The following GNB4 variants were observed in gnomAD, a reference collection of about 807,000 sequenced individuals.
GNB4 encodes guanine nucleotide-binding protein subunit beta-4.
A neutral mutation model predicts 45.2 loss-of-function variants in GNB4; 28 were observed. That is an observed-to-expected ratio of 0.62 (90% CI 0.46 to 0.85). The LOEUF is 0.85. Ranked by LOEUF, GNB4 falls within the 40% of genes least tolerant of loss-of-function variation. The pLI is 0.00. For synonymous variants in GNB4, 132 were observed against 143.7 expected (o/e 0.92, Z 0.58); for missense variants, 321 against 425.4 (o/e 0.75, Z 2.16).
the GNB4 span, among the ~76,000 whole-genome samples, chr3:179,462,667 C>T: frequency 2.0e-5 from 3 of 152,056 alleles, no homozygotes; most frequent in Non-Finnish European, 2.9e-5. Context: ...GGTGAAATCC[C>T]GTCTCTACTA....
At chr3:179,476,832 A>G in the GNB4 span, among the ~76,000 whole-genome samples, 1 of 152,226 alleles carries the variant, frequency 6.6e-6, no homozygotes, top group South Asian at 2.1e-4. Context: ...GCTGTGGAGC[A>G]GCTTTACAAG....
At chr3:179,464,546 G>T in the GNB4 span, 13 of 1,580,142 alleles carry the variant, frequency 8.2e-6, no homozygotes, top group Middle Eastern at 1.7e-4. Context: ...GCGACAAACG[G>T]CCACACCTGA....
chr3:179,473,897 T>G, the GNB4 span, among the ~76,000 whole-genome samples: 1 of 152,214 alleles, frequency 6.6e-6, no homozygotes, highest in Non-Finnish European at 1.5e-5. Flanking sequence ...AATTACTGTC[T>G]TTGGCTTGGA....
the GNB4 span, among the ~76,000 whole-genome samples, chr3:179,509,186 C>T: frequency 6.6e-6 from 1 of 151,424 alleles, no homozygotes; most frequent in East Asian, 1.9e-4. Flanking sequence ...CACACACACA[C>T]ACACACACAC....
chr3:179,414,803 A>G (rs898934307), intron 6 of GNB4, 82 bp downstream of exon 6: 6 of 1,161,848 alleles, frequency 5.2e-6, no homozygotes, highest in Non-Finnish European at 7.1e-6. Flanking sequence ...TAGCCAGCCG[A>G]GCACAATCTG....
intron 1 of GNB4, among the ~76,000 whole-genome samples, chr3:179,446,936 T>C (rs1275239515): frequency 6.6e-6 from 1 of 152,214 alleles, no homozygotes; most frequent in Non-Finnish European, 1.5e-5. Context: ...TTCTAGGCTC[T>C]AGAGATTCGG....
chr3:179,433,527 C>A (rs1271471167), intron 1 of GNB4, among the ~76,000 whole-genome samples: 1 of 151,440 alleles, frequency 6.6e-6, no homozygotes, highest in Admixed American at 6.6e-5. Flanking sequence ...ATCGCTTAAG[C>A]ACAGGAATTT....
the GNB4 span, chr3:179,464,851 G>C: frequency 3.0e-6 from 4 of 1,343,634 alleles, no homozygotes; most frequent in South Asian, 4.7e-5. Context: ...GTTTGGACCA[G>C]TATTCCATGT....
the GNB4 span, among the ~76,000 whole-genome samples, chr3:179,522,521 T>C: frequency 6.8e-6 from 1 of 146,130 alleles, no homozygotes; most frequent in East Asian, 1.9e-4. Context: ...TATTGACACG[T>C]ACTCCTTTTG....
At chr3:179,476,834 C>T in the GNB4 span, among the ~76,000 whole-genome samples, 1 of 152,218 alleles carries the variant, frequency 6.6e-6, no homozygotes, top group Non-Finnish European at 1.5e-5. Flanking sequence ...TGTGGAGCAG[C>T]TTTACAAGGT....
chr3:179,403,210 A>G (rs142148079), intron 9 of GNB4, among the ~76,000 whole-genome samples: 381 of 152,294 alleles, frequency 2.5e-3, no homozygotes, highest in African/African-American at 8.8e-3. Context: ...CAGAGCTTCA[A>G]ATGGTTTTAG....
At chr3:179,510,786 G>A in the GNB4 span, among the ~76,000 whole-genome samples, 1 of 152,158 alleles carries the variant, frequency 6.6e-6, no homozygotes, top group African/African-American at 2.4e-5. Context: ...AAGCATGTGT[G>A]AAGCAATCCC....
the GNB4 span, among the ~76,000 whole-genome samples, chr3:179,461,439 G>A: frequency 6.6e-5 from 10 of 151,044 alleles, no homozygotes; most frequent in Admixed American, 2.0e-4. Flanking sequence ...GGAGCTTGCA[G>A]TGAGCCGAGA....
intron 1 of GNB4, among the ~76,000 whole-genome samples, chr3:179,427,396 G>A (rs2108604444): frequency 6.6e-6 from 1 of 152,088 alleles, no homozygotes; most frequent in East Asian, 1.9e-4. Context: ...CTTGAGGCCA[G>A]GAGTTCAAGA....
At chr3:179,468,035 A>AAAATATATATATATATATAT in the GNB4 span, among the ~76,000 whole-genome samples, 1 of 89,856 alleles carries the variant, frequency 1.1e-5, no homozygotes, top group African/African-American at 4.0e-5. Context: ...TGTTGATAAA[A>AAAATATATATATATATATAT]ATATATATAT....
At chr3:179,406,330 T>C (rs1714469573) in intron 8 of GNB4, among the ~76,000 whole-genome samples, 2 of 152,208 alleles carry the variant, frequency 1.3e-5, no homozygotes, top group South Asian at 4.1e-4. Flanking sequence ...CTTAAGTGAT[T>C]ATTCTTGGTC....
intron 1 of GNB4, among the ~76,000 whole-genome samples, chr3:179,441,449 TA>T (rs1181114178): frequency 2.0e-5 from 3 of 152,004 alleles, no homozygotes; most frequent in Non-Finnish European, 2.9e-5. Flanking sequence ...AAAAACATGG[TA>T]AAGCCAGGCA....
chr3:179,512,968 T>G, the GNB4 span, among the ~76,000 whole-genome samples: 1 of 152,156 alleles, frequency 6.6e-6, no homozygotes, highest in Non-Finnish European at 1.5e-5. Context: ...CTGAAAAGTT[T>G]CATGCTTTTT....
At chr3:179,461,854 T>C in the GNB4 span, among the ~76,000 whole-genome samples, 1 of 152,218 alleles carries the variant, frequency 6.6e-6, no homozygotes, top group African/African-American at 2.4e-5. Flanking sequence ...AACACAAGGG[T>C]GATGCATCTG....
Sources: gnomAD v4.1 joint callset for allele counts (sites outside exome capture counted in the v4.1 genomes callset) on GRCh38, gnomAD v4.1.1 for gene constraint, MANE v1.5 for transcripts, NCBI Gene and HGNC (gene_info 2026-07-23, HGNC 2026-07-21) for gene names.